Variants in TLE1 observed in about 807,000 individuals in gnomAD.
TLE1 encodes transducin-like enhancer protein 1.
A neutral mutation model predicts 89.8 loss-of-function variants in TLE1; 21 were observed. The observed-to-expected ratio is 0.23, with a 90% CI of 0.17 to 0.34. The LOEUF is 0.34. Ranked by LOEUF, TLE1 falls within the 10% of genes least tolerant of loss-of-function variation. TLE1 has a pLI of 1.00. For synonymous variants in TLE1, 447 were observed against 407.6 expected (o/e 1.10, Z -1.16); for missense variants, 795 against 1,031.2 (o/e 0.77, Z 3.14).
chr9:81,583,954 A>G lies in TLE1; in HGVS notation c.*244T>C, dbSNP rs1165693148. 6.1e-6 allele frequency: 3 copies of G among 493,366 alleles called. No homozygotes were observed. Among genetic ancestry groups the G allele is most frequent in the Admixed American group, 3.2e-5 (1 of 30,928 alleles). 30.6% of individuals were successfully genotyped at this position (493,366 alleles called of 1,614,324 possible). A position where few individuals can be genotyped will look rare whatever the true frequency, so the allele number is the denominator to read the frequency against. On this transcript the variant is annotated 3_prime_UTR_variant, in exon 20 of 20. Transcript: ENST00000376499. Reference sequence around the variant, plus strand: ...GTGAGTCGGCAGATTCCGTTCCTCAATCCTACAACCCATGGCCCCTCTGTC... The same window carrying G: ...GTGAGTCGGCAGATTCCGTTCCTCAGTCCTACAACCCATGGCCCCTCTGTC...
At chr9:81,663,783 C>T (rs965586305) in intron 4 of TLE1, among the ~76,000 whole-genome samples, 2 of 151,976 alleles carry the variant, frequency 1.3e-5, no homozygotes, top group East Asian at 2.0e-4. Flanking sequence ...CCTGCCACCA[C>T]GCCCGGCTAA....
At position 81,689,331 on chromosome 9, in the gene TLE1, A is replaced by T. The variant is rs1350961690; in HGVS notation, c.-1091T>A. ...CTCTGCGGGCGAGTCCAGAGTAGTC[A>T]CAGCGGTGGGGCCAGCGGGGGTTTT... On this transcript the variant is annotated 5_prime_UTR_variant, in exon 1 of 20. Transcript: ENST00000376499. 6.6e-6 allele frequency: 1 copy of T among 152,302 alleles called. No homozygotes were observed. The highest frequency in any genetic ancestry group is 1.5e-5 in the Non-Finnish European group (1 of 68,182). 9.4% of individuals were successfully genotyped at this position (152,302 alleles called of 1,614,324 possible).
chr9:81,633,574 A>T (rs2132355364), intron 7 of TLE1: 1 of 643,818 alleles, frequency 1.6e-6, no homozygotes, highest in Non-Finnish European at 2.6e-6. Flanking sequence ...CAGTTTAACC[A>T]TACACAAAGC....
At chr9:81,675,644 GTTA>G (rs1371337716) in intron 4 of TLE1, among the ~76,000 whole-genome samples, 1 of 151,204 alleles carries the variant, frequency 6.6e-6, no homozygotes, top group Non-Finnish European at 1.5e-5. Flanking sequence ...GTTAGATAAG[GTTA>G]TTAGAACTGA....
At chr9:81,619,275 G>A (rs1211048798) in intron 9 of TLE1, among the ~76,000 whole-genome samples, 1 of 152,160 alleles carries the variant, frequency 6.6e-6, no homozygotes, top group Non-Finnish European at 1.5e-5. Context: ...TTCTTAGTAT[G>A]TTATTAAAGC....
At chr9:81,607,170 T>A (rs1355838729) in intron 14 of TLE1, among the ~76,000 whole-genome samples, 2 of 152,072 alleles carry the variant, frequency 1.3e-5, no homozygotes, top group Non-Finnish European at 2.9e-5. Flanking sequence ...TACCCCGACA[T>A]AGTATCACAA....
chr9:81,675,709 T>TTTG (rs1365988314), intron 4 of TLE1, among the ~76,000 whole-genome samples: 1 of 134,202 alleles, frequency 7.5e-6, no homozygotes, highest in African/African-American at 2.9e-5. Flanking sequence ...TTTTTTTTTG[T>TTTG]TTTTTTTTTT....
At chr9:81,679,030 C>T (rs960159180) in intron 4 of TLE1, among the ~76,000 whole-genome samples, 1 of 152,088 alleles carries the variant, frequency 6.6e-6, no homozygotes, top group Non-Finnish European at 1.5e-5. Flanking sequence ...CGCCTGTAAT[C>T]CCAGCTATTC....
At chr9:81,611,279 C>A (rs1823671957) in intron 13 of TLE1, among the ~76,000 whole-genome samples, 1 of 152,178 alleles carries the variant, frequency 6.6e-6, no homozygotes, top group Non-Finnish European at 1.5e-5. Context: ...ACAGAGACCA[C>A]TGCTTATATA....
At chr9:81,605,970 A>T (rs1831600868) in intron 14 of TLE1, among the ~76,000 whole-genome samples, 1 of 152,220 alleles carries the variant, frequency 6.6e-6, no homozygotes, top group Non-Finnish European at 1.5e-5. Flanking sequence ...GGATATGAAC[A>T]GACACTTCTC....
intron 4 of TLE1, among the ~76,000 whole-genome samples, chr9:81,682,705 G>A (rs1343132167): frequency 1.3e-5 from 2 of 152,026 alleles, no homozygotes; most frequent in African/African-American, 4.8e-5. Flanking sequence ...GTTTTTTAAT[G>A]CACCCTAACA....
chr9:81,629,159 A>G (rs903024455), intron 8 of TLE1, among the ~76,000 whole-genome samples: 14 of 149,198 alleles, frequency 9.4e-5, no homozygotes, highest in Non-Finnish European at 1.8e-4. Flanking sequence ...GGCTCAACAA[A>G]TATTTGTCAA....
At position 81,685,794 on chromosome 9, in the gene TLE1, T is replaced by C. The variant is rs765437865; in HGVS notation, c.189+39A>G. On this transcript the variant is annotated intron_variant, in intron 3 of 19. Coordinates refer to ENST00000376499, the MANE Select transcript of TLE1 (RefSeq NM_005077.5). ...CACTCTGCTAACACGTTTGCTAATA[T>C]CATATGAAAAAGGAAAAAGTCCAAT... 4 of 1,613,020 alleles carry C rather than the reference T, an allele frequency of 2.5e-6. No homozygotes were observed. In the African/African-American group the frequency reaches 4.0e-5, roughly 16 times the overall value.
At chr9:81,670,105 C>T (rs1357728553) in intron 4 of TLE1, among the ~76,000 whole-genome samples, 1 of 152,188 alleles carries the variant, frequency 6.6e-6, no homozygotes, top group Non-Finnish European at 1.5e-5. Flanking sequence ...TCTTATCTTT[C>T]TATTGCTCTC....
intron 6 of TLE1, 28 bp downstream of exon 6, chr9:81,652,186 T>C (rs1304813293): frequency 1.2e-6 from 2 of 1,610,164 alleles, no homozygotes; most frequent in Admixed American, 1.7e-5. Context: ...ATACACACTG[T>C]AGGAGGTAGA....
chr9:81,657,765 G>A (rs1830312326), intron 4 of TLE1, among the ~76,000 whole-genome samples: 1 of 151,818 alleles, frequency 6.6e-6, no homozygotes, highest in African/African-American at 2.4e-5. Flanking sequence ...TATAACCTAT[G>A]CACATCTACC....
At chr9:81,657,927 T>A (rs2265659) in intron 4 of TLE1, among the ~76,000 whole-genome samples, 53 of 144,448 alleles carry the variant, frequency 3.7e-4, no homozygotes, top group Non-Finnish European at 6.4e-4. Context: ...TTTTTTTTTT[T>A]AAGACAGAGT....
At chr9:81,657,927 T>TTTTTTTTTTTTTTTTTTTTTTTTTC (rs1323724108) in intron 4 of TLE1, among the ~76,000 whole-genome samples, 1 of 144,392 alleles carries the variant, frequency 6.9e-6, no homozygotes, top group African/African-American at 2.6e-5. Context: ...TTTTTTTTTT[T>TTTTTTTTTTTTTTTTTTTTTTTTTC]AAGACAGAGT....
intron 16 of TLE1, among the ~76,000 whole-genome samples, chr9:81,589,907 C>T (rs1189800542): frequency 6.6e-6 from 1 of 152,060 alleles, no homozygotes; most frequent in African/African-American, 2.4e-5. Context: ...ACGCAGGGAC[C>T]GGGCCCGGCT....
Sources: gnomAD v4.1 joint callset for allele counts (sites outside exome capture counted in the v4.1 genomes callset) on GRCh38, gnomAD v4.1.1 for gene constraint, MANE v1.5 for transcripts, NCBI Gene and HGNC (gene_info 2026-07-23, HGNC 2026-07-21) for gene names.